Variants in MAP2K3 observed in about 807,000 individuals in gnomAD.
MAP2K3 encodes mitogen-activated protein kinase kinase 3, also known as dual specificity mitogen-activated protein kinase kinase 3.
MAP2K3 carries 30 observed loss-of-function variants against 46.4 expected under a neutral mutation model. The observed-to-expected ratio is 0.65, with a 90% CI of 0.48 to 0.88. The LOEUF (loss-of-function observed/expected upper bound fraction) is 0.88, where lower values mean the gene tolerates loss of function less well. MAP2K3 is among the 40% of genes least tolerant of loss of function. The pLI is 0.00. For synonymous variants in MAP2K3, 189 were observed against 176.3 expected, an observed-to-expected ratio of 1.07 and a Z score of -0.57; for missense variants, 380 against 464.5, an observed-to-expected ratio of 0.82 and a Z score of 1.67.
intron 1 of MAP2K3, among the ~76,000 whole-genome samples, chr17:21,297,307 T>C (rs1245078850): frequency 6.6e-6 from 1 of 152,310 alleles, no homozygotes; most frequent in Non-Finnish European, 1.5e-5. Flanking sequence ...CATGGGCAGT[T>C]TCTAAGCCCC....
chr17:21,294,596 C>A (rs1246492525), intron 1 of MAP2K3, among the ~76,000 whole-genome samples: 1 of 152,312 alleles, frequency 6.6e-6, no homozygotes, highest in East Asian at 1.9e-4. Context: ...ACCAGACGCC[C>A]ACCGTGTGGC....
intron 1 of MAP2K3, among the ~76,000 whole-genome samples, chr17:21,295,401 G>A (rs576757699): frequency 1.3e-5 from 2 of 152,428 alleles, no homozygotes; most frequent in East Asian, 3.8e-4. Context: ...GACACCCCAG[G>A]ACACCCCGTG....
rs1977321906 is a variant in MAP2K3 at position 21,314,604 on chromosome 17, C to A, written c.*374C>A. 1.2e-5 allele frequency: 3 copies of A among 242,376 alleles called. No individual in the cohort carries two copies. In the South Asian group the frequency reaches 2.0e-4, roughly 16 times the overall value. 15.0% of individuals were successfully genotyped at this position (242,376 alleles called of 1,614,324 possible). ...CCGCCTTGCCCAGCCTGGATGCCAT[C>A]CAAGTTGTATATTTTTTTAATCTCT... is the stretch of plus-strand genomic sequence containing the variant. On this transcript the variant is annotated 3_prime_UTR_variant, in exon 12 of 12. Coordinates refer to ENST00000342679, the MANE Select transcript of MAP2K3 (RefSeq NM_145109.3).
intron 9 of MAP2K3, 41 bp from the exon 10 acceptor site, chr17:21,312,101 T>A: frequency 1.3e-6 from 2 of 1,485,356 alleles, no homozygotes; most frequent in Non-Finnish European, 1.8e-6. Context: ...AGCGTGGTTG[T>A]ATCTGGGGCC....
Position 21,313,497 on chromosome 17 carries a change from G to A in MAP2K3, c.920G>A (p.Arg307Lys), listed in dbSNP as rs1305305084. Residue 307 changes from arginine (R) to lysine (K), a missense_variant, in exon 11 of 12, where the codon AGG becomes AAG. Transcript: ENST00000342679. ...GCTGCACTATTCTCTCCTAGCCTGA[G>A]GAAGAACCCCGCAGAGCGTATGAGC... ...EFVDFTAQCL[R>K]KNPAERMSYL... 1.2e-6 allele frequency: 2 copies of A among 1,612,998 alleles called. No individual in the cohort carries two copies. The highest frequency in any genetic ancestry group is 1.7e-6 in the Non-Finnish European group (2 of 1,179,840).
At position 21,295,697 on chromosome 17, in the gene MAP2K3, C is replaced by A. The variant is rs771155324; in HGVS notation, c.50-2716C>A. ...CAGGCCGGTGGATGCAGAGGCCAGTCCATATACCACCCAGGCCTGCGAGGA... is the reference window on the plus strand; with the variant it reads ...CAGGCCGGTGGATGCAGAGGCCAGTACATATACCACCCAGGCCTGCGAGGA... On this transcript the variant is annotated intron_variant, in intron 1 of 11. Coordinates refer to ENST00000342679, the MANE Select transcript of MAP2K3 (RefSeq NM_145109.3). 35 of 1,289,286 alleles carry A rather than the reference C, an allele frequency of 2.7e-5. No homozygotes were observed. In the South Asian group the frequency reaches 4.1e-4, roughly 15 times the overall value. 79.9% of individuals were successfully genotyped at this position (1,289,286 alleles called of 1,614,324 possible). A position where few individuals can be genotyped will look rare whatever the true frequency, so the allele number is the denominator to read the frequency against.
chr17:21,303,512 G>T (rs1306208470), intron 7 of MAP2K3, among the ~76,000 whole-genome samples: 1 of 152,310 alleles, frequency 6.6e-6, no homozygotes, highest in Admixed American at 6.5e-5. Context: ...CTCCAGCATA[G>T]AGTGCATATA....
chr17:21,310,164 C>T (rs997388604), intron 9 of MAP2K3, among the ~76,000 whole-genome samples: 1 of 152,036 alleles, frequency 6.6e-6, no homozygotes, highest in Non-Finnish European at 1.5e-5. Context: ...TGTGCACCAC[C>T]ACATCCAGCT....
At chr17:21,289,645 T>C (rs1258612612) in intron 1 of MAP2K3, among the ~76,000 whole-genome samples, 1 of 152,238 alleles carries the variant, frequency 6.6e-6, no homozygotes, top group East Asian at 1.9e-4. Flanking sequence ...CAGTGGCTTC[T>C]GCAGATGCCT....
At chr17:21,300,014 C>T (rs1030820122) in intron 3 of MAP2K3, among the ~76,000 whole-genome samples, 2 of 152,430 alleles carry the variant, frequency 1.3e-5, no homozygotes, top group Admixed American at 6.5e-5. Context: ...TAGGCCTGTC[C>T]TTGACGATAC....
chr17:21,288,556 A>G (rs1235546188), intron 1 of MAP2K3, among the ~76,000 whole-genome samples: 1 of 152,206 alleles, frequency 6.6e-6, no homozygotes, highest in Non-Finnish European at 1.5e-5. Context: ...CCTGGGTCCA[A>G]ACCCCAGCTC....
intron 1 of MAP2K3, among the ~76,000 whole-genome samples, chr17:21,292,425 C>A (rs1041059688): frequency 5.3e-5 from 8 of 151,898 alleles, no homozygotes; most frequent in Admixed American, 2.6e-4. Flanking sequence ...GCTCTGTTGC[C>A]CAGTGGCACA....
intron 11 of MAP2K3, 139 bp downstream of exon 11, chr17:21,313,676 G>C (rs1422277722): frequency 1.4e-6 from 1 of 722,558 alleles, no homozygotes; most frequent in African/African-American, 1.8e-5. Flanking sequence ...TAGGTGCTCG[G>C]TCATTTGTTT....
At chr17:21,297,432 G>A (rs1489795379) in intron 1 of MAP2K3, among the ~76,000 whole-genome samples, 1 of 152,310 alleles carries the variant, frequency 6.6e-6, no homozygotes, top group Non-Finnish European at 1.5e-5. Context: ...ACAAGGGCAG[G>A]CATGTGGCCA....
intron 1 of MAP2K3, among the ~76,000 whole-genome samples, chr17:21,285,750 T>C (rs1975705513): frequency 6.6e-6 from 1 of 152,164 alleles, no homozygotes; most frequent in Non-Finnish European, 1.5e-5. Context: ...CTGCCTGGGA[T>C]CTGGGCCAGC....
chr17:21,300,879 C>T lies in MAP2K3; in HGVS notation c.285C>T (p.Ile95=), dbSNP rs1482045827. Residue 95 remains isoleucine (I), a synonymous_variant, in exon 5 of 12, where the codon ATC becomes ATT. Coordinates refer to ENST00000342679, the MANE Select transcript of MAP2K3 (RefSeq NM_145109.3). ...QSGTIMAVKR[I]RATVNSQEQK... The stretch of plus-strand genomic sequence containing the variant: ...ATGGCAGTCCTTCCCTGCAGCGGAT[C>T]CGGGCCACCGTGAACTCACAGGAGC... 1.9e-6 allele frequency: 3 copies of T among 1,614,024 alleles called. No individual in the cohort carries two copies. Among genetic ancestry groups the T allele is most frequent in the African/African-American group, 1.3e-5 (1 of 74,968 alleles).
intron 1 of MAP2K3, among the ~76,000 whole-genome samples, chr17:21,286,103 G>A (rs1975715737): frequency 1.3e-5 from 2 of 152,286 alleles, no homozygotes; most frequent in East Asian, 1.9e-4. Flanking sequence ...GGAAGTAATC[G>A]CACCTGCTTC....
chr17:21,312,240 C>T lies in MAP2K3; in HGVS notation c.873C>T (p.Ala291=), dbSNP rs56369732. 41 of 1,602,036 alleles carry T rather than the reference C, an allele frequency of 2.6e-5. No individual in the cohort carries two copies. The highest frequency in any genetic ancestry group is 3.3e-4 in the Middle Eastern group (2 of 6,050). The change falls in exon 10 of 12, where the codon GCC becomes GCT. Residue 291 remains alanine (A), a synonymous_variant. Transcript: ENST00000342679. ...AGGAGCCGTCCCCCCAGCTCCCAGC[C>T]GACCGTTTCTCCCCCGAGTTTGTGG... ...VVEEPSPQLP[A]DRFSPEFVDF...
chr17:21,314,292 G>A lies in MAP2K3; in HGVS notation c.*62G>A. ...CCCCACAGCCCCATCTGCGGGGGCAGTGCTCACCCACACCATAAGCTACTG... is the reference window on the plus strand; with the variant it reads ...CCCCACAGCCCCATCTGCGGGGGCAATGCTCACCCACACCATAAGCTACTG... On this transcript the variant is annotated 3_prime_UTR_variant, in exon 12 of 12. Coordinates refer to ENST00000342679, the MANE Select transcript of MAP2K3 (RefSeq NM_145109.3). The A allele has an allele frequency of 7.1e-7, 1 of 1,405,996 alleles. No homozygotes were observed. Among genetic ancestry groups the A allele is most frequent in the Non-Finnish European group, 1.0e-6 (1 of 994,798 alleles). The allele number at this position is 1,405,996 out of a possible 1,614,324, so 87.1% of individuals were successfully genotyped here.
Sources: allele counts gnomAD v4.1 joint callset (sites outside exome capture counted in the v4.1 genomes callset), GRCh38; gene constraint gnomAD v4.1.1; transcripts MANE v1.5; gene names NCBI Gene and HGNC (gene_info 2026-07-23, HGNC 2026-07-21).